GPR149: variants seen among roughly 807,000 people sequenced by gnomAD.
The protein encoded by GPR149 is G protein-coupled receptor 149, also known as probable G protein-coupled receptor 149.
In GPR149, 50 loss-of-function variants were observed where a neutral mutation model predicts 50.2. The observed-to-expected ratio is 1.00, with a 90% CI of 0.79 to 1.26. GPR149 has a LOEUF of 1.26. GPR149 is among the 50% of genes most tolerant of loss of function. The pLI, the probability that GPR149 is intolerant of heterozygous loss-of-function variation, is 0.00. For synonymous variants in GPR149, 405 were observed against 358.2 expected (o/e 1.13, Z -1.48); for missense variants, 983 against 895.4 (o/e 1.10, Z -1.25).
intron 3 of GPR149, among the ~76,000 whole-genome samples, chr3:154,368,144 G>A (rs1714585090): frequency 6.6e-6 from 1 of 152,214 alleles, no homozygotes; most frequent in African/African-American, 2.4e-5. Context: ...TTTCCTGGTT[G>A]AGACCATGGC....
chr3:154,400,650 C>T (rs1478675223), intron 3 of GPR149, among the ~76,000 whole-genome samples: 1 of 152,202 alleles, frequency 6.6e-6, no homozygotes, highest in Non-Finnish European at 1.5e-5. Context: ...AATTACATGA[C>T]ATCATCTCTG....
At position 154,429,348 on chromosome 3, in the gene GPR149, A is replaced by T; in HGVS notation, c.268T>A (p.Phe90Ile). 1 of 1,614,212 alleles carries T rather than the reference A, an allele frequency of 6.2e-7. No homozygotes were observed. Among genetic ancestry groups the T allele is most frequent in the Non-Finnish European group, 8.5e-7 (1 of 1,180,042 alleles). ...MSVLSVTIFM[F>I]LQWPNEVPGY... Reference sequence around the variant, plus strand: ...GGGACCTCGTTTGGCCACTGCAAAAACATGAAGATGGTCACCGACAGGACG... The same window carrying T: ...GGGACCTCGTTTGGCCACTGCAAAATCATGAAGATGGTCACCGACAGGACG... Residue 90 changes from phenylalanine (F) to isoleucine (I), a missense_variant, in exon 1 of 4, where the codon TTT becomes ATT. Transcript: ENST00000389740.
intron 3 of GPR149, among the ~76,000 whole-genome samples, chr3:154,406,998 A>G (rs1160200400): frequency 6.6e-6 from 1 of 152,194 alleles, no homozygotes; most frequent in Non-Finnish European, 1.5e-5. Context: ...GCAAGAGAGA[A>G]TGAAAATCAA....
intron 3 of GPR149, among the ~76,000 whole-genome samples, chr3:154,384,823 T>C (rs1375404722): frequency 6.6e-6 from 1 of 152,202 alleles, no homozygotes; most frequent in Non-Finnish European, 1.5e-5. Context: ...GTCATTGGAA[T>C]TCTAACATCA....
chr3:154,367,557 G>T (rs1452692056), intron 3 of GPR149, among the ~76,000 whole-genome samples: 2 of 152,054 alleles, frequency 1.3e-5, no homozygotes, highest in South Asian at 4.1e-4. Context: ...TTTGTTTCTT[G>T]CTCTGGTAAC....
intron 3 of GPR149, chr3:154,354,776 C>A: frequency 1.4e-6 from 1 of 711,688 alleles, no homozygotes; most frequent in Non-Finnish European, 2.1e-6. Flanking sequence ...TCCATAATGT[C>A]GCCCCAAGGA....
At chr3:154,416,782 G>A (rs1275684137) in intron 3 of GPR149, among the ~76,000 whole-genome samples, 1 of 151,750 alleles carries the variant, frequency 6.6e-6, no homozygotes, top group Non-Finnish European at 1.5e-5. Flanking sequence ...ACCTCCCTCT[G>A]CTTTGTCTCT....
intron 3 of GPR149, among the ~76,000 whole-genome samples, chr3:154,350,907 T>TATA (rs1714062065): frequency 6.6e-6 from 1 of 152,124 alleles, no homozygotes; most frequent in Admixed American, 6.5e-5. Flanking sequence ...CTAGATTACT[T>TATA]ATAATACCTA....
chr3:154,338,168 C>G lies in GPR149; in HGVS notation c.1727G>C (p.Ser576Thr), dbSNP rs945879057. The change falls in exon 4 of 4, where the codon AGC becomes ACC. Residue 576 changes from serine to threonine, a missense_variant. Coordinates refer to ENST00000389740, the MANE Select transcript of GPR149 (RefSeq NM_001038705.3). Reference protein sequence around the residue: ...KTLSLSTYEVSAEGQKITPAS... With the variant: ...KTLSLSTYEVTAEGQKITPAS... ...TGGAGTTATTTTTTGCCCTTCTGCG[C>G]TTACCTCATAGGTAGAAAGAGATAG... 6.2e-7 allele frequency: 1 copy of G among 1,614,138 alleles called. No homozygotes were observed. Among genetic ancestry groups the G allele is most frequent in the Non-Finnish European group, 8.5e-7 (1 of 1,180,020 alleles).
In GPR149 at chr3:154,353,119, C is replaced by G. The variant is rs1239080406; in HGVS notation, c.1624-14848G>C. 4.7e-6 allele frequency: 7 copies of G among 1,489,894 alleles called. No homozygotes were observed. The Admixed American group carries it at 8.4e-5, about 18-fold the overall frequency. 92.3% of individuals were successfully genotyped at this position (1,489,894 alleles called of 1,614,324 possible). ...TTCTGTTTTATGTGTGGATTCATGG[C>G]CATTTCAGTTACATTCTTCCTGGTC... On this transcript the variant is annotated intron_variant, in intron 3 of 3. Coordinates refer to ENST00000389740, the MANE Select transcript of GPR149 (RefSeq NM_001038705.3).
At chr3:154,374,944 G>A (rs150394509) in intron 3 of GPR149, among the ~76,000 whole-genome samples, 1 of 152,258 alleles carries the variant, frequency 6.6e-6, no homozygotes, top group African/African-American at 2.4e-5. Flanking sequence ...TATATAATGT[G>A]GTACAGTTTG....
intron 3 of GPR149, among the ~76,000 whole-genome samples, chr3:154,420,196 T>A (rs1223745719): frequency 6.6e-6 from 1 of 150,698 alleles, no homozygotes; most frequent in East Asian, 2.0e-4. Context: ...ATTAGGTGCA[T>A]GTAGATTCTG....
At chr3:154,421,566 TAGAA>T in intron 2 of GPR149, 79 bp from the exon 3 acceptor site, 6 of 666,758 alleles carry the variant, frequency 9.0e-6, no homozygotes, top group Admixed American at 3.6e-5. Context: ...CAAATAAAAA[TAGAA>T]AGCGCATTCA....
At position 154,429,568 on chromosome 3, in the gene GPR149, C is replaced by A; in HGVS notation, c.48G>T (p.Trp16Cys). 1 of 1,613,582 alleles carries A rather than the reference C, an allele frequency of 6.2e-7. No homozygotes were observed. Among genetic ancestry groups the A allele is most frequent in the Non-Finnish European group, 8.5e-7 (1 of 1,179,474 alleles). The change falls in exon 1 of 4, where the codon TGG becomes TGT. Residue 16 changes from tryptophan to cysteine, a missense_variant. Transcript: ENST00000389740. ...GGTCCGTAGAATTATGATTCTCTTT[C>A]CACAGGCTAGAGTCATTTGTTGATA... ...SNLSTNDSSL[W>C]KENHNSTDLL...
At position 154,385,704 on chromosome 3, in the gene GPR149, C is replaced by CT. The variant is rs5853692; in HGVS notation, c.1623+35334dup. 9.5e-4 allele frequency among the ~76,000 whole-genome samples: 129 copies of CT among 136,156 alleles called. 2 individuals carry two copies. In the East Asian group the frequency reaches 0.01, roughly 11 times the overall value. 89.3% of individuals were successfully genotyped at this position (136,156 alleles called of 152,430 possible). On this transcript the variant is annotated intron_variant, in intron 3 of 3. Coordinates refer to ENST00000389740, the MANE Select transcript of GPR149 (RefSeq NM_001038705.3). ...CACAAATTTCTTTCTTTCTTTCTTT[C>CT]TTTTTTTTTTTTTTTTATAAGGAGT...
intron 3 of GPR149, among the ~76,000 whole-genome samples, chr3:154,360,423 G>C (rs1047849042): frequency 2.0e-5 from 3 of 152,150 alleles, no homozygotes; most frequent in East Asian, 1.9e-4. Context: ...TGCACATATA[G>C]AGTAAAAAAT....
chr3:154,398,603 A>G (rs1262085987), intron 3 of GPR149, among the ~76,000 whole-genome samples: 1 of 152,208 alleles, frequency 6.6e-6, no homozygotes, highest in Non-Finnish European at 1.5e-5. Flanking sequence ...GAAAGAAACA[A>G]CAACAACCCT....
In GPR149 at chr3:154,335,778, G is replaced by T. The variant is rs1559966653; in HGVS notation, c.*1921C>A. The T allele has an allele frequency of 6.7e-6, 1 of 150,350 alleles. No homozygotes were observed. The highest frequency in any genetic ancestry group is 1.5e-5 in the Non-Finnish European group (1 of 67,924). 9.3% of individuals were successfully genotyped at this position (150,350 alleles called of 1,614,324 possible). On this transcript the variant is annotated 3_prime_UTR_variant, in exon 4 of 4. Coordinates refer to ENST00000389740, the MANE Select transcript of GPR149 (RefSeq NM_001038705.3). The stretch of plus-strand genomic sequence containing the variant: ...ATTGCTGTGCAGTTATAAAGAATTT[G>T]TTTGCCTTCAAATCTTTGCTATTTT...
chr3:154,344,431 T>G (rs1371334969), intron 3 of GPR149, among the ~76,000 whole-genome samples: 1 of 152,118 alleles, frequency 6.6e-6, no homozygotes, highest in African/African-American at 2.4e-5. Context: ...ATACAAAAAC[T>G]GTTAATATTG....
Sources: gnomAD v4.1 joint callset for allele counts (sites outside exome capture counted in the v4.1 genomes callset) on GRCh38, gnomAD v4.1.1 for gene constraint, MANE v1.5 for transcripts, NCBI Gene and HGNC (gene_info 2026-07-23, HGNC 2026-07-21) for gene names.